Variants in ELP4 observed in about 807,000 individuals in gnomAD.
The protein encoded by ELP4 is elongator complex protein 4.
In ELP4, 51 loss-of-function variants were observed where a neutral mutation model predicts 48.9. That is an observed-to-expected ratio of 1.04 (90% CI 0.83 to 1.32). The LOEUF is 1.32. ELP4 is among the 40% of genes most tolerant of loss of function. The pLI is 0.00. For missense variants in ELP4, 519 were observed against 514.6 expected (o/e 1.01, Z -0.08); for synonymous variants, 210 against 189.2 (o/e 1.11, Z -0.90).
At chr11:31,757,665 C>T (rs1254540473) in intron 9 of ELP4, among the ~76,000 whole-genome samples, 1 of 152,128 alleles carries the variant, frequency 6.6e-6, no homozygotes, top group Non-Finnish European at 1.5e-5. Flanking sequence ...CTCACATGCA[C>T]ACTAAACTTT....
intron 7 of ELP4, among the ~76,000 whole-genome samples, chr11:31,643,122 C>T (rs1945132439): frequency 6.6e-6 from 1 of 151,776 alleles, no homozygotes. Context: ...CCCCTCCCCG[C>T]TCTCTCCCAA....
chr11:31,751,540 A>G (rs1170705826), intron 9 of ELP4, among the ~76,000 whole-genome samples: 3 of 152,142 alleles, frequency 2.0e-5, no homozygotes, highest in Admixed American at 6.5e-5. Flanking sequence ...GAAGATGAGG[A>G]AAAAAACAGC....
At chr11:31,782,585 T>C (rs1391438922) in intron 9 of ELP4, among the ~76,000 whole-genome samples, 1 of 152,234 alleles carries the variant, frequency 6.6e-6, no homozygotes, top group Non-Finnish European at 1.5e-5. Context: ...TATTTTGAAA[T>C]ATGGATGTTT....
At chr11:31,529,495 C>T (rs1002094092) in intron 2 of ELP4, among the ~76,000 whole-genome samples, 1 of 152,130 alleles carries the variant, frequency 6.6e-6, no homozygotes. Flanking sequence ...GGGCATCAGT[C>T]GTAGACATTG....
In ELP4 at chr11:31,785,748, C is replaced by T. The variant is rs543493095; in HGVS notation, c.*2224C>T. 1 of 192,948 alleles carries T rather than the reference C, an allele frequency of 5.2e-6. No individual in the cohort carries two copies. The highest frequency in any genetic ancestry group is 8.2e-5 in the East Asian group (1 of 12,204). 12.0% of individuals were successfully genotyped at this position (192,948 alleles called of 1,614,324 possible). A position where few individuals can be genotyped will look rare whatever the true frequency, so the allele number is the denominator to read the frequency against. On this transcript the variant is annotated 3_prime_UTR_variant, in exon 10 of 10. Transcript: ENST00000640961. Reference sequence around the variant, plus strand: ...TTTCTTCTGGAAACATTATTTGTTACTCATTATGTTAATAACTTACTACAT... The same window carrying T: ...TTTCTTCTGGAAACATTATTTGTTATTCATTATGTTAATAACTTACTACAT...
intron 9 of ELP4, among the ~76,000 whole-genome samples, chr11:31,782,766 A>C (rs941399579): frequency 8.5e-5 from 13 of 152,194 alleles, no homozygotes; most frequent in Non-Finnish European, 1.6e-4. Context: ...AAACTTACCA[A>C]GACCGGTAAT....
intron 5 of ELP4, among the ~76,000 whole-genome samples, chr11:31,622,489 C>T (rs1944645181): frequency 6.6e-6 from 1 of 151,598 alleles, no homozygotes; most frequent in African/African-American, 2.4e-5. Context: ...TCTACCTGTA[C>T]TTGATTTCTT....
At chr11:31,686,397 A>G (rs1433057242) in intron 9 of ELP4, among the ~76,000 whole-genome samples, 3 of 146,920 alleles carry the variant, frequency 2.0e-5, no homozygotes, top group Non-Finnish European at 3.0e-5. Context: ...CATATTCACT[A>G]TAATTAGATG....
At chr11:31,643,687 CATTAA>C (rs1945144838) in intron 7 of ELP4, among the ~76,000 whole-genome samples, 1 of 151,716 alleles carries the variant, frequency 6.6e-6, no homozygotes, top group African/African-American at 2.4e-5. Context: ...TGAAAGGGAG[CATTAA>C]ATTAATCTTC....
chr11:31,623,677 TAAG>T (rs928160669), intron 5 of ELP4, among the ~76,000 whole-genome samples: 89 of 150,802 alleles, frequency 5.9e-4, no homozygotes, highest in Non-Finnish European at 9.1e-4. Flanking sequence ...AATAAGAAAT[TAAG>T]AAGTATTGGC....
chr11:31,786,203 C>G lies in ELP4; in HGVS notation c.*2679C>G. The G allele has an allele frequency of 4.8e-6, 1 of 206,356 alleles. No homozygotes were observed. The highest frequency in any genetic ancestry group is 9.9e-6 in the Non-Finnish European group (1 of 100,918). The allele number at this position is 206,356 out of a possible 1,614,324, so 12.8% of individuals were successfully genotyped here. A position where few individuals can be genotyped will look rare whatever the true frequency, so the allele number is the denominator to read the frequency against. ...TTAGAAGGAAGCGACACTCTGCAAT[C>G]AATTCCCTGTCCATCTTTTAACAAA... On this transcript the variant is annotated 3_prime_UTR_variant, in exon 10 of 10. Transcript: ENST00000640961.
chr11:31,626,275 A>G (rs1469155792), intron 5 of ELP4, among the ~76,000 whole-genome samples: 1 of 151,874 alleles, frequency 6.6e-6, no homozygotes, highest in Admixed American at 6.6e-5. Context: ...TAAAGCAAAT[A>G]CTTGCATAAT....
Position 31,509,929 on chromosome 11 carries a change from A to G in ELP4, c.145A>G (p.Ile49Val), listed in dbSNP as rs1170484945. Residue 49 changes from isoleucine to valine, a missense_variant, in exon 1 of 10, where the codon ATT becomes GTT. By Grantham distance (29) the Ile-to-Val change is conservative (BLOSUM62 3). Coordinates refer to ENST00000640961, the MANE Select transcript of ELP4 (RefSeq NM_019040.5). ...CGACAGCGGCCCTCGACTGGTGTCCATTGCGGGCACGCGACCGTCGGTGCG... is the reference window on the plus strand; with the variant it reads ...CGACAGCGGCCCTCGACTGGTGTCCGTTGCGGGCACGCGACCGTCGGTGCG... ...TNDSGPRLVS[I>V]AGTRPSVRNG... 1.9e-6 allele frequency: 3 copies of G among 1,613,730 alleles called. No individual in the cohort carries two copies. Among genetic ancestry groups the G allele is most frequent in the Admixed American group, 3.3e-5 (2 of 60,000 alleles).
chr11:31,586,958 A>G (rs971898776), intron 3 of ELP4, among the ~76,000 whole-genome samples: 1 of 152,080 alleles, frequency 6.6e-6, no homozygotes, highest in African/African-American at 2.4e-5. Context: ...TTAAACATGA[A>G]GAAACTCCAT....
At chr11:31,647,548 T>A (rs1368905592) in intron 7 of ELP4, 193 bp from the exon 8 acceptor site, 1 of 470,018 alleles carries the variant, frequency 2.1e-6, no homozygotes, top group African/African-American at 2.0e-5. Flanking sequence ...CATGACTACA[T>A]GGGCCAGCAT....
chr11:31,632,280 G>T lies in ELP4; in HGVS notation c.802G>T (p.Asp268Tyr), dbSNP rs202226978. The T allele has an allele frequency of 2.5e-6, 4 of 1,612,504 alleles. No individual in the cohort carries two copies. The highest frequency in any genetic ancestry group is 3.3e-5 in the Admixed American group (2 of 59,784). ...TCTTGGCTCACCTTTATGGGGAGACGATATTTGCTGTGCAGAAAATGGTGG... is the reference window on the plus strand; with the variant it reads ...TCTTGGCTCACCTTTATGGGGAGACTATATTTGCTGTGCAGAAAATGGTGG... ...QNLGSPLWGDDICCAENGGNS... is the reference protein window; with the variant it reads ...QNLGSPLWGDYICCAENGGNS... The change falls in exon 7 of 10, where the codon GAT becomes TAT. Residue 268 changes from aspartate (D) to tyrosine (Y), a missense_variant. Physicochemically the swap from Asp to Tyr is radical, Grantham distance 160 (BLOSUM62 -3). Transcript: ENST00000640961.
chr11:31,623,372 T>TAA (rs1289564659), intron 5 of ELP4, among the ~76,000 whole-genome samples: 3 of 107,944 alleles, frequency 2.8e-5, no homozygotes, highest in African/African-American at 1.1e-4. Context: ...TATATATATA[T>TAA]ATATATATAT....
chr11:31,769,242 T>C, intron 9 of ELP4, among the ~76,000 whole-genome samples: 1 of 152,122 alleles, frequency 6.6e-6, no homozygotes, highest in East Asian at 1.9e-4. Context: ...ATACCCCATC[T>C]CAGGGCTTTG....
intron 7 of ELP4, among the ~76,000 whole-genome samples, chr11:31,638,732 T>G (rs530895482): frequency 9.2e-5 from 14 of 151,850 alleles, no homozygotes; most frequent in Non-Finnish European, 1.8e-4. Context: ...AGAACAAACC[T>G]TTTCACATCC....
Sources: allele counts gnomAD v4.1 joint callset (sites outside exome capture counted in the v4.1 genomes callset), GRCh38; gene constraint gnomAD v4.1.1; transcripts MANE v1.5; gene names NCBI Gene and HGNC (gene_info 2026-07-23, HGNC 2026-07-21).